Variants in ETS2 observed in about 807,000 individuals in gnomAD.
ETS2 encodes the protein protein C-ets-2.
Under a neutral mutation model 54.9 loss-of-function variants are expected in ETS2, and 19 were observed. That is an observed-to-expected ratio of 0.35 (90% CI 0.24 to 0.51). The LOEUF is 0.51. Ranked by LOEUF, ETS2 falls within the 20% of genes least tolerant of loss-of-function variation. The pLI is 0.97. For missense variants in ETS2, 417 were observed against 593.0 expected (o/e 0.70, Z 3.08); for synonymous variants, 219 against 229.3 (o/e 0.95, Z 0.41).
Position 38,822,944 on chromosome 21 carries a change from C to A in ETS2, c.*55C>A. On this transcript the variant is annotated 3_prime_UTR_variant, in exon 10 of 10. Coordinates refer to ENST00000360938, the MANE Select transcript of ETS2 (RefSeq NM_005239.6). ...AGGCTCGTGGACTGAGTGGGAAGCC[C>A]ATCCTGACCAGCTGCTCCGAGGACC... 1 of 1,362,530 alleles carries A rather than the reference C, an allele frequency of 7.3e-7. No homozygotes were observed. The highest frequency in any genetic ancestry group is 9.8e-7 in the Non-Finnish European group (1 of 1,017,734). The allele number at this position is 1,362,530 out of a possible 1,614,324, so 84.4% of individuals were successfully genotyped here. A position where few individuals can be genotyped will look rare whatever the true frequency, so the allele number is the denominator to read the frequency against.
chr21:38,810,552 A>T (rs2060910223), intron 2 of ETS2, among the ~76,000 whole-genome samples: 1 of 152,244 alleles, frequency 6.6e-6, no homozygotes, highest in South Asian at 2.1e-4. Flanking sequence ...AATTGTAGGT[A>T]GCCTGTTACT....
At chr21:38,822,631 TG>T in intron 9 of ETS2, 42 bp from the exon 10 acceptor site, 1 of 1,519,286 alleles carries the variant, frequency 6.6e-7, no homozygotes, top group Non-Finnish European at 9.1e-7. Context: ...TTTTCTTCAT[TG>T]ACAAATTGAG....
chr21:38,823,617 GTTTT>G lies in ETS2; in HGVS notation c.*732_*735del, dbSNP rs11422952. On this transcript the variant is annotated 3_prime_UTR_variant, in exon 10 of 10. Transcript: ENST00000360938. ...GTGGGGGGTAATCCCTGCTTTTTGT[GTTTT>G]TTTGTTTGTTTGTTTGTTTGTTTTT... The G allele has an allele frequency of 6.6e-6, 1 of 152,430 alleles. No homozygotes were observed. Among genetic ancestry groups the G allele is most frequent in the Admixed American group, 6.5e-5 (1 of 15,270 alleles). The allele number at this position is 152,430 out of a possible 1,614,324, so 9.4% of individuals were successfully genotyped here. A position where few individuals can be genotyped will look rare whatever the true frequency, so the allele number is the denominator to read the frequency against.
At chr21:38,815,034 A>G in intron 5 of ETS2, 53 bp downstream of exon 5, 1 of 1,571,372 alleles carries the variant, frequency 6.4e-7, no homozygotes, top group East Asian at 2.2e-5. Flanking sequence ...GTGGCCGGGA[A>G]GACTGATTGG....
rs1233763643 is a variant in ETS2, at chr21:38,805,935, T to C, written c.-186T>C. ...GCCGCGTGGGGGACGGCCCGGTTAC[T>C]TCCTCCAGAGACTGACGAGTGCGGT... On this transcript the variant is annotated 5_prime_UTR_variant, in exon 1 of 10. Transcript: ENST00000360938. The surrounding 1 kb of genome is among the most constrained non-coding windows in gnomAD (Gnocchi z 5.2). 3 of 1,261,838 alleles carry C rather than the reference T, an allele frequency of 2.4e-6. No individual in the cohort carries two copies. Among genetic ancestry groups the C allele is most frequent in the Non-Finnish European group, 3.1e-6 (3 of 978,442 alleles). The allele number at this position is 1,261,838 out of a possible 1,614,324, so 78.2% of individuals were successfully genotyped here.
chr21:38,814,132 A>T lies in ETS2; in HGVS notation c.185-141A>T. 3.9e-6 allele frequency: 3 copies of T among 772,810 alleles called. No homozygotes were observed. Among genetic ancestry groups the T allele is most frequent in the Non-Finnish European group, 2.1e-6 (1 of 471,226 alleles). The allele number at this position is 772,810 out of a possible 1,614,324, so 47.9% of individuals were successfully genotyped here. A position where few individuals can be genotyped will look rare whatever the true frequency, so the allele number is the denominator to read the frequency against. On this transcript the variant is annotated intron_variant, in intron 3 of 9. Coordinates refer to ENST00000360938, the MANE Select transcript of ETS2 (RefSeq NM_005239.6). The surrounding 1 kb of genome is among the most constrained non-coding windows in gnomAD (Gnocchi z 4.2). ...TTATAGTCAGAAAAGTTTTTTGTTA[A>T]TAGTTACACTGTTTTAAGGAATCAT...
Position 38,806,016 on chromosome 21 carries a change from C to G in ETS2, c.-105C>G. ...CCGGCCAGCGTCCGGCCTCCCTGAT[C>G]GTCTCTGGCCGGCGCCCTCGCCCTC... On this transcript the variant is annotated 5_prime_UTR_variant, in exon 1 of 10. It adds an upstream start codon to the 5' untranslated region. Coordinates refer to ENST00000360938, the MANE Select transcript of ETS2 (RefSeq NM_005239.6). The surrounding 1 kb of genome is among the most constrained non-coding windows in gnomAD (Gnocchi z 4.3). 8.1e-7 allele frequency: 1 copy of G among 1,239,790 alleles called. No homozygotes were observed. Among genetic ancestry groups the G allele is most frequent in the Non-Finnish European group, 1.0e-6 (1 of 968,424 alleles). 76.8% of individuals were successfully genotyped at this position (1,239,790 alleles called of 1,614,324 possible).
chr21:38,805,921 G>C, upstream of ETS2: 1 of 1,248,694 alleles, frequency 8.0e-7, no homozygotes, highest in Non-Finnish European at 1.0e-6. This position sits in a 1 kb window ranked among gnomAD's most constrained non-coding sequence, Gnocchi z 5.2. Flanking sequence ...CCGCGTGGGG[G>C]ACGGCCCGGT....
chr21:38,823,618 T>C lies in ETS2; in HGVS notation c.*729T>C, dbSNP rs563400088. The C allele has an allele frequency of 3.0e-4, 20 of 66,362 alleles. 1 individual carries two copies. Among genetic ancestry groups the C allele is most frequent in the Non-Finnish European group, 6.8e-4 (19 of 27,944 alleles). The allele number at this position is 66,362 out of a possible 1,614,324, so 4.1% of individuals were successfully genotyped here. ...TGGGGGGTAATCCCTGCTTTTTGTG[T>C]TTTTTTGTTTGTTTGTTTGTTTGTT... On this transcript the variant is annotated 3_prime_UTR_variant, in exon 10 of 10. Coordinates refer to ENST00000360938, the MANE Select transcript of ETS2 (RefSeq NM_005239.6).
In ETS2 at chr21:38,814,159, C is replaced by T. The variant is rs1175551939; in HGVS notation, c.185-114C>T. 1 of 1,077,630 alleles carries T rather than the reference C, an allele frequency of 9.3e-7. No individual in the cohort carries two copies. The highest frequency in any genetic ancestry group is 1.4e-6 in the Non-Finnish European group (1 of 731,222). 66.8% of individuals were successfully genotyped at this position (1,077,630 alleles called of 1,614,324 possible). On this transcript the variant is annotated intron_variant, in intron 3 of 9. Coordinates refer to ENST00000360938, the MANE Select transcript of ETS2 (RefSeq NM_005239.6). The surrounding 1 kb of genome is among the most constrained non-coding windows in gnomAD (Gnocchi z 4.2). ...AGTTACACTGTTTTAAGGAATCATG[C>T]CAAGGTTTGAGATCAAAATTGTTCT...
chr21:38,806,691 G>A lies in ETS2; in HGVS notation c.-1+571G>A. ...ATGGTCACCTGCTCGCCGCGTCCAG[G>A]GCCCGGGCTGGGGACCCCTCGGTCG... On this transcript the variant is annotated intron_variant, in intron 1 of 9. Coordinates refer to ENST00000360938, the MANE Select transcript of ETS2 (RefSeq NM_005239.6). This position sits in a 1 kb window ranked among gnomAD's most constrained non-coding sequence, Gnocchi z 4.3. The A allele has an allele frequency of 1.0e-6, 1 of 985,472 alleles. No homozygotes were observed. Among genetic ancestry groups the A allele is most frequent in the East Asian group, 1.1e-4 (1 of 8,794 alleles). 61.0% of individuals were successfully genotyped at this position (985,472 alleles called of 1,614,324 possible).
Position 38,823,400 on chromosome 21 carries a change from A to C in ETS2, c.*511A>C, listed in dbSNP as rs1177516593. On this transcript the variant is annotated 3_prime_UTR_variant, in exon 10 of 10. Transcript: ENST00000360938. ...GAATCCCTTAACAGTTGTATTTAAC[A>C]GAAATTGTATATTGTAATTTAAAAT... is the stretch of plus-strand genomic sequence containing the variant. 8.5e-5 allele frequency: 13 copies of C among 152,720 alleles called. No individual in the cohort carries two copies. Among genetic ancestry groups the C allele is most frequent in the Admixed American group, 8.5e-4 (13 of 15,292 alleles). 9.5% of individuals were successfully genotyped at this position (152,720 alleles called of 1,614,324 possible).
chr21:38,810,004 C>T (rs764967757), intron 1 of ETS2, 31 bp from the exon 2 acceptor site: 4 of 1,468,906 alleles, frequency 2.7e-6, no homozygotes, highest in Non-Finnish European at 3.7e-6. Flanking sequence ...TAATCTTTTG[C>T]CTCTTTGACT....
upstream of ETS2, chr21:38,805,194 G>A (rs564390254): frequency 6.1e-5 from 34 of 558,000 alleles, no homozygotes; most frequent in South Asian, 6.8e-4. The surrounding 1 kb of genome is among the most constrained non-coding windows in gnomAD (Gnocchi z 5.2). Context: ...CCACTCCCGC[G>A]GAGCCTGCGG....
chr21:38,807,271 TTG>T (rs2060897248), intron 1 of ETS2, among the ~76,000 whole-genome samples: 1 of 152,238 alleles, frequency 6.6e-6, no homozygotes, highest in Admixed American at 6.5e-5. Flanking sequence ...CAAGGTTGTG[TTG>T]TTTCTTTTTT....
intron 2 of ETS2, among the ~76,000 whole-genome samples, chr21:38,810,473 T>C (rs1480630025): frequency 6.6e-6 from 1 of 152,134 alleles, no homozygotes; most frequent in Non-Finnish European, 1.5e-5. Context: ...GTTTAAGAAC[T>C]GAAATGAGAG....
At position 38,814,255 on chromosome 21, in the gene ETS2, T is replaced by C; in HGVS notation, c.185-18T>C. 1 of 1,613,472 alleles carries C rather than the reference T, an allele frequency of 6.2e-7. No homozygotes were observed. The highest frequency in any genetic ancestry group is 1.3e-5 in the African/African-American group (1 of 75,014). ...CCAACTTGAAGTCCTAATGTCCCCA[T>C]GGGGGGTTTCCTTCCAGACTCCGCC... On this transcript the variant is annotated intron_variant, in intron 3 of 9. Coordinates refer to ENST00000360938, the MANE Select transcript of ETS2 (RefSeq NM_005239.6). The surrounding 1 kb of genome is among the most constrained non-coding windows in gnomAD (Gnocchi z 4.2).
At position 38,814,436 on chromosome 21, in the gene ETS2, A is replaced by G; in HGVS notation, c.304+44A>G. On this transcript the variant is annotated intron_variant, in intron 4 of 9. Coordinates refer to ENST00000360938, the MANE Select transcript of ETS2 (RefSeq NM_005239.6). This position sits in a 1 kb window ranked among gnomAD's most constrained non-coding sequence, Gnocchi z 4.2. ...AGCCTGCACTGGGTGAGAAGAACCA[A>G]CTTCAGTGCAGTTGTTTGATCTTGA... is the stretch of plus-strand genomic sequence containing the variant. The G allele has an allele frequency of 6.2e-7, 1 of 1,607,590 alleles. No homozygotes were observed. Among genetic ancestry groups the G allele is most frequent in the Admixed American group, 1.7e-5 (1 of 59,146 alleles).
rs552980463 is a variant in ETS2, at chr21:38,806,575, T to C, written c.-1+455T>C. ...CTGGCGCCCCGGCTTTGAGGGTGAC[T>C]TCCTGGAGCGGCGCCGGGCCCGGAG... On this transcript the variant is annotated intron_variant, in intron 1 of 9. Transcript: ENST00000360938. This position sits in a 1 kb window ranked among gnomAD's most constrained non-coding sequence, Gnocchi z 4.3. 6.5e-4 allele frequency: 642 copies of C among 985,290 alleles called. No individual in the cohort carries two copies. Among genetic ancestry groups the C allele is most frequent in the Admixed American group, 3.1e-3 (51 of 16,282 alleles). 61.0% of individuals were successfully genotyped at this position (985,290 alleles called of 1,614,324 possible). A position where few individuals can be genotyped will look rare whatever the true frequency, so the allele number is the denominator to read the frequency against.
Sources: gnomAD v4.1 joint callset for allele counts (sites outside exome capture counted in the v4.1 genomes callset) on GRCh38, gnomAD v4.1.1 for gene constraint, Gnocchi (gnomAD v3.1) non-coding constraint, MANE v1.5 for transcripts, NCBI Gene and HGNC (gene_info 2026-07-23, HGNC 2026-07-21) for gene names.